SMIM14: variants seen among roughly 807,000 people sequenced by gnomAD.
The protein encoded by SMIM14 is small integral membrane protein 14.
In SMIM14, 5 loss-of-function variants were observed where a neutral mutation model predicts 12.6. The observed-to-expected ratio is 0.40, with a 90% confidence interval of 0.21 to 0.83. The LOEUF (loss-of-function observed/expected upper bound fraction) is 0.83. Among genes scored for constraint, SMIM14 ranks in the 40% least tolerant of loss-of-function variants. SMIM14 has a pLI of 0.37. For synonymous variants in SMIM14, 30 were observed against 40.1 expected (o/e 0.75, Z 0.95); for missense variants, 86 against 119.1 (o/e 0.72, Z 1.29).
chr4:39,570,722 A>C (rs1427050679), intron 3 of SMIM14, among the ~76,000 whole-genome samples: 5 of 151,976 alleles, frequency 3.3e-5, no homozygotes, highest in African/African-American at 1.2e-4. Flanking sequence ...AGTGGCATGA[A>C]CATAGCTCAC....
chr4:39,597,868 T>G (rs1714438254), intron 2 of SMIM14, among the ~76,000 whole-genome samples: 1 of 152,184 alleles, frequency 6.6e-6, no homozygotes, highest in African/African-American at 2.4e-5. Context: ...AATGAACAGT[T>G]AGGGCATACA....
intron 2 of SMIM14, among the ~76,000 whole-genome samples, chr4:39,582,523 G>A (rs964108619): frequency 6.6e-6 from 1 of 151,778 alleles, no homozygotes; most frequent in Non-Finnish European, 1.5e-5. Context: ...AATTAGCTGG[G>A]TGTGGTGGTG....
intron 1 of SMIM14, among the ~76,000 whole-genome samples, chr4:39,615,096 GTTTT>G (rs80057241): frequency 6.7e-6 from 1 of 149,800 alleles, no homozygotes; most frequent in African/African-American, 2.4e-5. Context: ...TCTCTAAAAT[GTTTT>G]TTTTTTAATT....
intron 3 of SMIM14, among the ~76,000 whole-genome samples, chr4:39,570,532 A>G (rs1405796578): frequency 3.3e-5 from 5 of 152,228 alleles, no homozygotes; most frequent in Non-Finnish European, 7.4e-5. Context: ...CCTCCCCAAC[A>G]TATGCACACA....
intron 1 of SMIM14, among the ~76,000 whole-genome samples, chr4:39,619,745 TATAATTTATTATATATATATCAATAA>T (rs1346835173): frequency 2.0e-4 from 19 of 94,932 alleles, no homozygotes; most frequent in Admixed American, 1.8e-3. Flanking sequence ...TATCAATAAA[TATAATTTATTATATATATATCAATAA>T]ATAATTTATT....
chr4:39,581,981 C>G (rs1339158355), intron 2 of SMIM14, among the ~76,000 whole-genome samples: 1 of 151,916 alleles, frequency 6.6e-6, no homozygotes, highest in African/African-American at 2.4e-5. Context: ...AAGTGATTCT[C>G]CTGCCTCAGC....
chr4:39,582,201 A>G (rs1713545038), intron 2 of SMIM14, among the ~76,000 whole-genome samples: 1 of 152,102 alleles, frequency 6.6e-6, no homozygotes, highest in East Asian at 1.9e-4. Context: ...ATAAACTATA[A>G]CCAACACACT....
intron 1 of SMIM14, among the ~76,000 whole-genome samples, chr4:39,629,183 GA>G (rs1715816998): frequency 6.6e-6 from 1 of 151,256 alleles, no homozygotes; most frequent in South Asian, 2.1e-4. Context: ...TAACATGGTG[GA>G]AACCCATATC....
rs977582825 is a variant in SMIM14, at chr4:39,558,237, C to G, written c.125-1667G>C. ...GTGCACTGGCTCACGCCTGTAATCC[C>G]AGCACTTTGGAAGGCCAAGATGGGT... On this transcript the variant is annotated intron_variant, in intron 3 of 4. Coordinates refer to ENST00000295958, the MANE Select transcript of SMIM14 (RefSeq NM_174921.3). The surrounding 1 kb of genome is among the most constrained non-coding windows in gnomAD (Gnocchi z 4.3). Among the ~76,000 whole-genome samples, 6 of 152,198 alleles carry G rather than the reference C, an allele frequency of 3.9e-5. No homozygotes were observed. The highest frequency in any genetic ancestry group is 1.4e-4 in the African/African-American group (6 of 41,444).
At chr4:39,604,456 G>A (rs1714728785) in intron 2 of SMIM14, among the ~76,000 whole-genome samples, 1 of 151,852 alleles carries the variant, frequency 6.6e-6, no homozygotes, top group Non-Finnish European at 1.5e-5. Flanking sequence ...AGAATCGCTT[G>A]AACTCAGGAG....
chr4:39,568,231 A>T (rs1320855791), intron 3 of SMIM14, among the ~76,000 whole-genome samples: 2 of 151,382 alleles, frequency 1.3e-5, no homozygotes, highest in Non-Finnish European at 2.9e-5. Context: ...GTGAGCCAAG[A>T]TTGTGCCACT....
At chr4:39,587,495 CAAAAAAAAA>C (rs71192879) in intron 2 of SMIM14, among the ~76,000 whole-genome samples, 1 of 77,382 alleles carries the variant, frequency 1.3e-5, no homozygotes, top group Non-Finnish European at 2.4e-5. Flanking sequence ...GGCTCCATCT[CAAAAAAAAA>C]AAAAAAAAAA....
intron 1 of SMIM14, among the ~76,000 whole-genome samples, chr4:39,620,321 T>C (rs1259073065): frequency 1.3e-5 from 2 of 151,202 alleles, no homozygotes; most frequent in African/African-American, 4.9e-5. Context: ...CTACTAAAAA[T>C]ACAAAAAATT....
At chr4:39,627,528 T>C (rs1369374485) in intron 1 of SMIM14, among the ~76,000 whole-genome samples, 2 of 152,192 alleles carry the variant, frequency 1.3e-5, no homozygotes, top group Non-Finnish European at 2.9e-5. Flanking sequence ...AACTATTCAT[T>C]TTAAACAGTT....
chr4:39,566,971 A>T (rs563190302), intron 3 of SMIM14, among the ~76,000 whole-genome samples: 1 of 151,870 alleles, frequency 6.6e-6, no homozygotes, highest in African/African-American at 2.4e-5. Flanking sequence ...ATCTCAAAAA[A>T]AACAAAAAAC....
chr4:39,550,656 T>C lies in SMIM14; in HGVS notation c.*1470A>G, dbSNP rs918947313. The C allele has an allele frequency of 2.0e-5, 3 of 152,242 alleles. No individual in the cohort carries two copies. Among genetic ancestry groups the C allele is most frequent in the Admixed American group, 1.3e-4 (2 of 15,286 alleles). 9.4% of individuals were successfully genotyped at this position (152,242 alleles called of 1,614,324 possible). On this transcript the variant is annotated 3_prime_UTR_variant, in exon 5 of 5. Coordinates refer to ENST00000295958, the MANE Select transcript of SMIM14 (RefSeq NM_174921.3). ...GCAAAACAATACAACCTTTTACTTTTTTATACATTTTAAAATTTCTCTCAT... is the reference window on the plus strand; with the variant it reads ...GCAAAACAATACAACCTTTTACTTTCTTATACATTTTAAAATTTCTCTCAT...
At chr4:39,591,603 T>G (rs956940649) in intron 2 of SMIM14, among the ~76,000 whole-genome samples, 13 of 152,138 alleles carry the variant, frequency 8.5e-5, no homozygotes, top group Admixed American at 2.6e-4. Context: ...TCACGCAGGA[T>G]GGAGTGCAGT....
intron 1 of SMIM14, among the ~76,000 whole-genome samples, chr4:39,628,780 T>A (rs1052290166): frequency 1.3e-5 from 2 of 149,696 alleles, no homozygotes; most frequent in Non-Finnish European, 3.0e-5. Flanking sequence ...TCACCCAGGC[T>A]GGAGTGCAGC....
chr4:39,626,688 G>T (rs543146462), intron 1 of SMIM14, among the ~76,000 whole-genome samples: 1 of 152,206 alleles, frequency 6.6e-6, no homozygotes, highest in Admixed American at 6.5e-5. Context: ...CTAAATAAAT[G>T]TTACAAATTA....
Sources: allele counts gnomAD v4.1 joint callset (sites outside exome capture counted in the v4.1 genomes callset), GRCh38; gene constraint gnomAD v4.1.1; non-coding constraint Gnocchi (gnomAD v3.1); transcripts MANE v1.5; gene names NCBI Gene and HGNC (gene_info 2026-07-23, HGNC 2026-07-21).